Variants in PNRC1 observed in about 807,000 individuals in gnomAD.
PNRC1 encodes proline rich nuclear receptor coactivator 1, also known as proline-rich nuclear receptor coactivator 1.
Under a neutral mutation model 20.2 loss-of-function variants are expected in PNRC1, and 6 were observed. The ratio of observed to expected loss-of-function variants is 0.30; its 90% CI spans 0.16 to 0.59. The LOEUF is 0.59. PNRC1 is among the 20% of genes least tolerant of loss of function. The pLI is 0.89. For synonymous variants in PNRC1, 202 were observed against 186.9 expected, an observed-to-expected ratio of 1.08 and a Z score of -0.66; for missense variants, 488 against 430.2, an observed-to-expected ratio of 1.13 and a Z score of -1.19.
chr6:89,082,480 C>T (rs1344972194), intron 1 of PNRC1: 1 of 152,164 alleles, frequency 6.6e-6, no homozygotes, highest in Non-Finnish European at 1.5e-5. Flanking sequence ...TTTAAAATTC[C>T]ACGACTTTTG....
intron 1 of PNRC1, chr6:89,081,893 C>T (rs1028442060): frequency 2.0e-5 from 3 of 152,496 alleles, no homozygotes; most frequent in South Asian, 2.0e-4. Context: ...GGCCTCCCGG[C>T]TATCGGGAGC....
At position 89,081,171 on chromosome 6, in the gene PNRC1, G is replaced by A. The variant is rs1454053926; in HGVS notation, c.277G>A (p.Ala93Thr). ...LAVAGGTPRA[A>T]PKKRRKKKVR... is the part of the protein sequence containing the mutation. ...CGTGGCGGGAGGCACTCCTCGGGCA[G>A]CGCCGAAGAAGCGGCGAAAGAAGAA... Residue 93 changes from alanine (A) to threonine (T), a missense_variant, in exon 1 of 2, where the codon GCG becomes ACG. Ala to Thr is a moderately conservative substitution (Grantham distance 58). Transcript: ENST00000336032. The A allele has an allele frequency of 6.3e-7, 1 of 1,594,048 alleles. No individual in the cohort carries two copies. Among genetic ancestry groups the A allele is most frequent in the Non-Finnish European group, 8.5e-7 (1 of 1,175,844 alleles).
At position 89,083,874 on chromosome 6, in the gene PNRC1, C is replaced by T. The variant is rs779953387; in HGVS notation, c.662C>T (p.Pro221Leu). ...AGACAGAAAAGCAAATATAACTTGC[C>T]ACTAACCAAGATCACCTCTGCAAAA... ...INRQKSKYNL[P>L]LTKITSAKRN... The change falls in exon 2 of 2, where the codon CCA becomes CTA. Residue 221 changes from proline (P) to leucine (L), a missense_variant. Coordinates refer to ENST00000336032, the MANE Select transcript of PNRC1 (RefSeq NM_006813.3). 1 of 1,614,022 alleles carries T rather than the reference C, an allele frequency of 6.2e-7. No homozygotes were observed. Among genetic ancestry groups the T allele is most frequent in the South Asian group, 1.1e-5 (1 of 91,070 alleles).
chr6:89,084,433 T>G lies in PNRC1; in HGVS notation c.*237T>G. Reference sequence around the variant, plus strand: ...GTATATTATAGTTTTGTTATGAAAGTATGTATTTTGCCCTGCCCACATTGC... The same window carrying G: ...GTATATTATAGTTTTGTTATGAAAGGATGTATTTTGCCCTGCCCACATTGC... On this transcript the variant is annotated 3_prime_UTR_variant, in exon 2 of 2. Coordinates refer to ENST00000336032, the MANE Select transcript of PNRC1 (RefSeq NM_006813.3). 2.8e-6 allele frequency: 1 copy of G among 355,538 alleles called. No individual in the cohort carries two copies. Among genetic ancestry groups the G allele is most frequent in the Non-Finnish European group, 5.2e-6 (1 of 191,552 alleles). 22.0% of individuals were successfully genotyped at this position (355,538 alleles called of 1,614,324 possible).
rs1371436349 is a variant in PNRC1 at position 89,081,098 on chromosome 6, G to C, written c.204G>C (p.Leu68=). Residue 68 remains leucine, a synonymous_variant, in exon 1 of 2, where the codon CTG becomes CTC. Transcript: ENST00000336032. ...TCCTAGGGGGAGATGGCCCGTGTCT[G>C]ACCCCCCAGCCTCGCGCTCCAGCAG... ...PHFLGGDGPC[L]TPQPRAPAAL... is the part of the protein sequence containing the mutation. 1.2e-6 allele frequency: 2 copies of C among 1,609,412 alleles called. No individual in the cohort carries two copies. Among genetic ancestry groups the C allele is most frequent in the South Asian group, 2.2e-5 (2 of 91,076 alleles).
rs529350149 is a variant in PNRC1, at chr6:89,084,446, C to T, written c.*250C>T. On this transcript the variant is annotated 3_prime_UTR_variant, in exon 2 of 2. Coordinates refer to ENST00000336032, the MANE Select transcript of PNRC1 (RefSeq NM_006813.3). ...TTGTTATGAAAGTATGTATTTTGCCCTGCCCACATTGCAGGTGTTTTGTAT... is the reference window on the plus strand; with the variant it reads ...TTGTTATGAAAGTATGTATTTTGCCTTGCCCACATTGCAGGTGTTTTGTAT... The T allele has an allele frequency of 2.5e-4, 80 of 326,152 alleles. No individual in the cohort carries two copies. Among genetic ancestry groups the T allele is most frequent in the Non-Finnish European group, 4.0e-4 (70 of 173,692 alleles). The allele number at this position is 326,152 out of a possible 1,614,324, so 20.2% of individuals were successfully genotyped here. A position where few individuals can be genotyped will look rare whatever the true frequency, so the allele number is the denominator to read the frequency against.
At chr6:89,082,514 CT>C (rs1768024753) in intron 1 of PNRC1, 1 of 152,170 alleles carries the variant, frequency 6.6e-6, no homozygotes, top group Non-Finnish European at 1.5e-5. Context: ...TACCTAAAAG[CT>C]TTTGTGCTTG....
rs1245447359 is a variant in PNRC1, at chr6:89,081,417, AC to A, written c.529del (p.Leu177SerfsTer6). On this transcript the variant is annotated frameshift_variant, in exon 1 of 2. Transcript: ENST00000336032. LOFTEE classifies it high-confidence loss of function. ...GCTGCGGCCCGCGGCTCCCGGCCAAACCCCCCTCAGGAAAGAGGTGAGGCCG... is the reference window on the plus strand; with the variant it reads ...GCTGCGGCCCGCGGCTCCCGGCCAAACCCCCTCAGGAAAGAGGTGAGGCCG... ...APLRPAAPGQ[T>X]PLRKEVLKSK... The A allele has an allele frequency of 4.5e-6, 6 of 1,332,688 alleles. No individual in the cohort carries two copies. The highest frequency in any genetic ancestry group is 3.9e-5 in the South Asian group (2 of 51,452). 82.6% of individuals were successfully genotyped at this position (1,332,688 alleles called of 1,614,324 possible). A position where few individuals can be genotyped will look rare whatever the true frequency, so the allele number is the denominator to read the frequency against.
Position 89,081,209 on chromosome 6 carries a change from C to T in PNRC1, c.315C>T (p.Ser105=), listed in dbSNP as rs750951105. The change falls in exon 1 of 2, where the codon AGC becomes AGT. Residue 105 remains serine, a synonymous_variant. Coordinates refer to ENST00000336032, the MANE Select transcript of PNRC1 (RefSeq NM_006813.3). ...KKRRKKKVRA[S]PAGQLPSRFH... ...GGCGAAAGAAGAAGGTGCGGGCCAGCCCCGCAGGGCAGCTGCCCAGCCGCT... is the reference window on the plus strand; with the variant it reads ...GGCGAAAGAAGAAGGTGCGGGCCAGTCCCGCAGGGCAGCTGCCCAGCCGCT... The T allele has an allele frequency of 6.4e-5, 100 of 1,561,054 alleles. No individual in the cohort carries two copies. In the East Asian group the frequency reaches 2.3e-3, roughly 36 times the overall value.
Position 89,081,160 on chromosome 6 carries a change from C to T in PNRC1, c.266C>T (p.Thr89Ile), listed in dbSNP as rs758756337. Residue 89 changes from threonine to isoleucine, a missense_variant, in exon 1 of 2, where the codon ACT becomes ATT. Coordinates refer to ENST00000336032, the MANE Select transcript of PNRC1 (RefSeq NM_006813.3). ...CGCAGCCTCGCCGTGGCGGGAGGCA[C>T]TCCTCGGGCAGCGCCGAAGAAGCGG... is the stretch of plus-strand genomic sequence containing the variant. ...PNRSLAVAGG[T>I]PRAAPKKRRK... 1.9e-6 allele frequency: 3 copies of T among 1,599,278 alleles called. No individual in the cohort carries two copies. The highest frequency in any genetic ancestry group is 2.5e-6 in the Non-Finnish European group (3 of 1,177,726).
chr6:89,081,981 G>A (rs1311690570), intron 1 of PNRC1: 7 of 152,492 alleles, frequency 4.6e-5, no homozygotes, highest in Non-Finnish European at 1.0e-4. Flanking sequence ...CGAGCGGCTG[G>A]GTTTCGTTTG....
Position 89,085,080 on chromosome 6 carries a change from C to G in PNRC1, c.*884C>G, listed in dbSNP as rs1768088811. ...CTGAGAAGTGGAGATTGCAATTGAG[C>G]TAGGATCAGGCCACTGCACTCCAGC... On this transcript the variant is annotated 3_prime_UTR_variant, in exon 2 of 2. Coordinates refer to ENST00000336032, the MANE Select transcript of PNRC1 (RefSeq NM_006813.3). 1 of 152,078 alleles carries G rather than the reference C, an allele frequency of 6.6e-6. No individual in the cohort carries two copies. Among genetic ancestry groups the G allele is most frequent in the African/African-American group, 2.4e-5 (1 of 41,366 alleles). The allele number at this position is 152,078 out of a possible 1,614,324, so 9.4% of individuals were successfully genotyped here.
chr6:89,081,024 C>G lies in PNRC1; in HGVS notation c.130C>G (p.Arg44Gly). The change falls in exon 1 of 2, where the codon CGG (arginine) becomes GGG (glycine). Residue 44 changes from arginine to glycine, a missense_variant. Physicochemically the swap from Arg to Gly is moderately radical, Grantham distance 125 (BLOSUM62 -2). Transcript: ENST00000336032. ...GACCACGGCTCCGCCTCCTTTACCCCGGATCCCGGACCCCCGGGCACTGCC... is the reference window on the plus strand; with the variant it reads ...GACCACGGCTCCGCCTCCTTTACCCGGGATCCCGGACCCCCGGGCACTGCC... ...MVTTAPPPLP[R>G]IPDPRALPPT... 2 of 1,611,916 alleles carry G rather than the reference C, an allele frequency of 1.2e-6. No homozygotes were observed. Among genetic ancestry groups the G allele is most frequent in the Non-Finnish European group, 1.7e-6 (2 of 1,179,868 alleles).
chr6:89,081,725 A>T, intron 1 of PNRC1: 1 of 201,898 alleles, frequency 5.0e-6, no homozygotes, highest in Non-Finnish European at 9.5e-6. Context: ...GCGGCGTTCC[A>T]GGGGGTTTCG....
Position 89,081,081 on chromosome 6 carries a change from G to A in PNRC1, c.187G>A (p.Gly63Arg). Residue 63 changes from glycine (G) to arginine (R), a missense_variant, in exon 1 of 2, where the codon GGA becomes AGA. Transcript: ENST00000336032. Reference sequence around the variant, plus strand: ...CCTCTTCCTCCCTCATTTCCTAGGGGGAGATGGCCCGTGTCTGACCCCCCA... The same window carrying A: ...CCTCTTCCTCCCTCATTTCCTAGGGAGAGATGGCCCGTGTCTGACCCCCCA... The part of the protein sequence containing the change: ...PTLFLPHFLG[G>R]DGPCLTPQPR... The A allele has an allele frequency of 1.2e-6, 2 of 1,610,152 alleles. No homozygotes were observed. Among genetic ancestry groups the A allele is most frequent in the Non-Finnish European group, 1.7e-6 (2 of 1,179,760 alleles).
chr6:89,081,825 C>A (rs1344858605), intron 1 of PNRC1: 1 of 155,610 alleles, frequency 6.4e-6, no homozygotes, highest in Non-Finnish European at 1.4e-5. Flanking sequence ...CGCTCCGGCG[C>A]CCATGAAGGA....
chr6:89,083,128 C>T (rs1160087981), intron 1 of PNRC1, among the ~76,000 whole-genome samples: 1 of 152,088 alleles, frequency 6.6e-6, no homozygotes, highest in Non-Finnish European at 1.5e-5. Context: ...CCTCAGCCAG[C>T]CTCCCGAGGC....
At chr6:89,081,513 C>A (rs1218646110) in intron 1 of PNRC1, 79 bp downstream of exon 1, 10 of 110,618 alleles carry the variant, frequency 9.0e-5, no homozygotes, top group Non-Finnish European at 1.3e-4. Context: ...GACCCTGCAC[C>A]CGGGGGGTCG....
chr6:89,082,194 A>G (rs568515270), intron 1 of PNRC1: 1 of 152,382 alleles, frequency 6.6e-6, no homozygotes, highest in East Asian at 1.9e-4. Flanking sequence ...TAGCAATTGA[A>G]TTGACTTAGC....
Sources: allele counts gnomAD v4.1 joint callset (sites outside exome capture counted in the v4.1 genomes callset), GRCh38; gene constraint gnomAD v4.1.1; transcripts MANE v1.5; gene names NCBI Gene and HGNC (gene_info 2026-07-23, HGNC 2026-07-21).